The following ATP6V1H variants were observed in gnomAD, a reference collection of about 807,000 sequenced individuals.
The protein encoded by ATP6V1H is ATPase H+ transporting V1 subunit H.
In ATP6V1H, 39 loss-of-function variants were observed where a neutral mutation model predicts 71.7. That is an observed-to-expected ratio of 0.54 (90% confidence interval 0.42 to 0.71). ATP6V1H has a LOEUF of 0.71. Ranked by LOEUF, ATP6V1H falls within the 30% of genes least tolerant of loss-of-function variation. The pLI is 0.00. For missense variants in ATP6V1H, 509 were observed against 594.9 expected (o/e 0.86, Z 1.50); for synonymous variants, 192 against 199.3 (o/e 0.96, Z 0.31).
At chr8:53,721,972 T>C (rs1806635776) in intron 13 of ATP6V1H, among the ~76,000 whole-genome samples, 1 of 152,208 alleles carries the variant, frequency 6.6e-6, no homozygotes, top group Admixed American at 6.5e-5. Context: ...GGAGTTGTAG[T>C]CCTAAGAAAC....
chr8:53,740,764 T>C (rs1807379699), intron 13 of ATP6V1H, among the ~76,000 whole-genome samples: 1 of 152,236 alleles, frequency 6.6e-6, no homozygotes, highest in Non-Finnish European at 1.5e-5. Flanking sequence ...CCAAACTTCT[T>C]TTACATTTGG....
At chr8:53,804,004 G>C (rs1274329504) in intron 7 of ATP6V1H, among the ~76,000 whole-genome samples, 1 of 152,144 alleles carries the variant, frequency 6.6e-6, no homozygotes, top group African/African-American at 2.4e-5. Context: ...ATGCTATGTT[G>C]AAATACATAA....
At chr8:53,743,236 A>G (rs536757917) in intron 13 of ATP6V1H, among the ~76,000 whole-genome samples, 2 of 152,312 alleles carry the variant, frequency 1.3e-5, no homozygotes, top group South Asian at 4.1e-4. Context: ...TGAATAGGTA[A>G]GCCTTGCAAA....
At chr8:53,842,506 A>C (rs1476340201) in intron 1 of ATP6V1H, 1 of 152,234 alleles carries the variant, frequency 6.6e-6, no homozygotes, top group Non-Finnish European at 1.5e-5. Context: ...AATCCTACCC[A>C]AAATTATATT....
chr8:53,761,810 G>T (rs987915500), intron 11 of ATP6V1H, among the ~76,000 whole-genome samples: 2 of 152,124 alleles, frequency 1.3e-5, no homozygotes, highest in African/African-American at 4.8e-5. Flanking sequence ...TGCTCCATCT[G>T]GATGCCTCAT....
rs535257389 is a variant in ATP6V1H, at chr8:53,792,706, C to T, written c.870+2941G>A. 2.2e-3 allele frequency among the ~76,000 whole-genome samples: 339 copies of T among 152,216 alleles called. 2 individuals are homozygous for T. Among genetic ancestry groups the T allele is most frequent in the African/African-American group, 7.9e-3 (328 of 41,526 alleles). On this transcript the variant is annotated intron_variant, in intron 9 of 13. Transcript: ENST00000359530. ...TTTTCACTTACTGGGGAATTATCTCCGAGTCTTGGTTTCCTTATCAATAAA... is the reference window on the plus strand; with the variant it reads ...TTTTCACTTACTGGGGAATTATCTCTGAGTCTTGGTTTCCTTATCAATAAA...
Position 53,772,071 on chromosome 8 carries a change from G to T in ATP6V1H, c.967C>A (p.Gln323Lys), listed in dbSNP as rs750253081. Reference sequence around the variant, plus strand: ...ATATCTTCATCATCGTACTTCTGCTGTTCCAAGTTCTCCAACTGTTTCAGA... The same window carrying T: ...ATATCTTCATCATCGTACTTCTGCTTTTCCAAGTTCTCCAACTGTTTCAGA... The part of the protein sequence containing the change: ...KVLKQLENLE[Q>K]QKYDDEDISE... The change falls in exon 10 of 14, where the codon CAG becomes AAG. Residue 323 changes from glutamine (Q) to lysine (K), a missense_variant. Gln to Lys is a moderately conservative substitution (Grantham distance 53). Around this residue, in one of 2 missense-constraint regions of ATP6V1H, gnomAD observed 212 missense variants for 291.6 expected, o/e 0.73. Transcript: ENST00000359530. 3.7e-6 allele frequency: 6 copies of T among 1,614,056 alleles called. No homozygotes were observed. The highest frequency in any genetic ancestry group is 5.1e-6 in the Non-Finnish European group (6 of 1,179,964).
chr8:53,762,599 T>G (rs1808305991), intron 11 of ATP6V1H, among the ~76,000 whole-genome samples: 1 of 151,740 alleles, frequency 6.6e-6, no homozygotes, highest in African/African-American at 2.4e-5. Flanking sequence ...GCAATTAATA[T>G]AACATAGTAT....
At chr8:53,830,655 C>G (rs1023677485) in intron 3 of ATP6V1H, among the ~76,000 whole-genome samples, 3 of 151,994 alleles carry the variant, frequency 2.0e-5, no homozygotes, top group Admixed American at 2.0e-4. Context: ...GGCAACTGCC[C>G]CATAAAAGGC....
chr8:53,717,604 G>A (rs1261807859), intron 13 of ATP6V1H, among the ~76,000 whole-genome samples: 2 of 152,158 alleles, frequency 1.3e-5, no homozygotes, highest in African/African-American at 4.8e-5. Context: ...CGCAAAGGCT[G>A]AAAGGGAAGC....
chr8:53,828,943 A>G (rs1810908179), intron 4 of ATP6V1H, among the ~76,000 whole-genome samples: 8 of 152,220 alleles, frequency 5.3e-5, no homozygotes, highest in Admixed American at 5.2e-4. Flanking sequence ...TCCTTTATTC[A>G]TAATTGGGTT....
chr8:53,838,969 T>C (rs1811260963), intron 2 of ATP6V1H, among the ~76,000 whole-genome samples: 1 of 152,060 alleles, frequency 6.6e-6, no homozygotes, highest in South Asian at 2.1e-4. Context: ...CACCCACACA[T>C]CAACAGGCTC....
chr8:53,792,933 T>C (rs1004333261), intron 9 of ATP6V1H, among the ~76,000 whole-genome samples: 1 of 152,194 alleles, frequency 6.6e-6, no homozygotes, highest in Admixed American at 6.5e-5. Context: ...ACCTCTCGTG[T>C]CCTAGTGACC....
chr8:53,757,009 G>A (rs1808090414), intron 11 of ATP6V1H, among the ~76,000 whole-genome samples: 1 of 152,098 alleles, frequency 6.6e-6, no homozygotes, highest in Admixed American at 6.5e-5. Context: ...GGACCTACTG[G>A]TACTACTGGG....
intron 13 of ATP6V1H, among the ~76,000 whole-genome samples, chr8:53,734,668 G>A (rs1807134634): frequency 6.6e-6 from 1 of 152,148 alleles, no homozygotes; most frequent in African/African-American, 2.4e-5. Context: ...GCCCCAAAAG[G>A]TGGCAGTCAT....
At chr8:53,798,610 AACACACACACAC>A (rs59831761) in intron 8 of ATP6V1H, among the ~76,000 whole-genome samples, 10 of 148,566 alleles carry the variant, frequency 6.7e-5, no homozygotes, top group South Asian at 2.1e-4. Flanking sequence ...CAATGTGAGA[AACACACACACAC>A]ACACACACAC....
At chr8:53,731,078 G>A (rs796981863) in intron 13 of ATP6V1H, among the ~76,000 whole-genome samples, 1 of 152,200 alleles carries the variant, frequency 6.6e-6, no homozygotes, top group South Asian at 2.1e-4. Context: ...GCTACTGCTA[G>A]AATCCCAGTT....
intron 11 of ATP6V1H, among the ~76,000 whole-genome samples, chr8:53,765,115 G>A (rs752728723): frequency 1.3e-5 from 2 of 151,308 alleles, no homozygotes; most frequent in Non-Finnish European, 3.0e-5. Context: ...TTAAAAAGGC[G>A]GGGGAAGGCC....
chr8:53,751,887 C>G (rs1332459407), intron 12 of ATP6V1H, among the ~76,000 whole-genome samples: 1 of 152,074 alleles, frequency 6.6e-6, no homozygotes, highest in African/African-American at 2.4e-5. Flanking sequence ...TCAGGCTGTT[C>G]TTGAACTCCT....
Sources: gnomAD v4.1 joint callset for allele counts (sites outside exome capture counted in the v4.1 genomes callset) on GRCh38, gnomAD v4.1.1 for gene constraint, gnomAD v4.1.1 regional missense constraint, MANE v1.5 for transcripts, NCBI Gene and HGNC (gene_info 2026-07-23, HGNC 2026-07-21) for gene names.